The following MMRN2 variants were observed in gnomAD, a reference collection of about 807,000 sequenced individuals.
The protein encoded by MMRN2 is multimerin-2.
In MMRN2, 53 loss-of-function variants were observed where a neutral mutation model predicts 68.8. The observed-to-expected ratio is 0.77, with a 90% CI of 0.62 to 0.97. The LOEUF is 0.97. Among genes scored for constraint, MMRN2 ranks in the 50% least tolerant of loss-of-function variants. The pLI is 0.00. For missense variants in MMRN2, 1,266 were observed against 1,259.5 expected (o/e 1.01, Z -0.08); for synonymous variants, 564 against 551.6 (o/e 1.02, Z -0.32).
chr10:86,950,659 G>A (rs555734319), intron 1 of MMRN2, among the ~76,000 whole-genome samples: 37 of 152,276 alleles, frequency 2.4e-4, no homozygotes, highest in Middle Eastern at 3.4e-3. Flanking sequence ...CCAAGAAGAT[G>A]CAGCTGATCT....
chr10:86,942,513 GT>G lies in MMRN2; in HGVS notation c.2270del (p.Asn757ThrfsTer21). On this transcript the variant is annotated frameshift_variant, in exon 6 of 7. Coordinates refer to ENST00000372027, the MANE Select transcript of MMRN2 (RefSeq NM_024756.3). LOFTEE classifies it high-confidence loss of function. ...CGTTGGCTTCCATGAGCCCTTGGAA[GT>G]TCCCAAAGAGGCTGTGGAAGAGCCG... ...HQRLFHSLFGNFQGLMEANVS... is the reference protein window; with the variant it reads ...HQRLFHSLFGXFQGLMEANVS... The G allele has an allele frequency of 6.2e-7, 1 of 1,613,980 alleles. No homozygotes were observed. The highest frequency in any genetic ancestry group is 1.1e-5 in the South Asian group (1 of 91,086).
At chr10:86,941,798 TAAAA>T (rs55898424) in intron 6 of MMRN2, among the ~76,000 whole-genome samples, 13 of 115,072 alleles carry the variant, frequency 1.1e-4, no homozygotes, top group South Asian at 8.5e-4. Flanking sequence ...AGACCCATCT[TAAAA>T]AAAAAAAAAA....
intron 5 of MMRN2, 45 bp from the exon 6 acceptor site, chr10:86,944,173 A>G: frequency 1.9e-6 from 3 of 1,596,726 alleles, no homozygotes; most frequent in Non-Finnish European, 2.6e-6. Context: ...AGGAGCAGAC[A>G]CTCCTCCCAG....
chr10:86,936,820 C>T lies in MMRN2; in HGVS notation c.2773G>A (p.Glu925Lys). 1 of 1,614,202 alleles carries T rather than the reference C, an allele frequency of 6.2e-7. No homozygotes were observed. Among genetic ancestry groups the T allele is most frequent in the Non-Finnish European group, 8.5e-7 (1 of 1,180,030 alleles). ...ELQKGERVWF[E>K]LTQGSITKRS... Reference sequence around the variant, plus strand: ...TTTGTTATTGATCCCTGGGTTAACTCAAACCATACTCGCTCACCCTTCTGC... The same window carrying T: ...TTTGTTATTGATCCCTGGGTTAACTTAAACCATACTCGCTCACCCTTCTGC... The change falls in exon 7 of 7, where the codon GAG becomes AAG. Residue 925 changes from glutamate to lysine, a missense_variant. By Grantham distance (56) the Glu-to-Lys change is moderately conservative (BLOSUM62 1). Transcript: ENST00000372027.
rs371928522 is a variant in MMRN2 at position 86,943,756 on chromosome 10, G to C, written c.1028C>G (p.Ala343Gly). 5.6e-6 allele frequency: 9 copies of C among 1,607,868 alleles called. No individual in the cohort carries two copies. In the African/African-American group the frequency reaches 8.0e-5, roughly 14 times the overall value. Residue 343 changes from alanine (A) to glycine (G), a missense_variant, in exon 6 of 7, where the codon GCT (alanine) becomes GGT (glycine). By Grantham distance (60) the Ala-to-Gly change is moderately conservative (BLOSUM62 0). Transcript: ENST00000372027. The surrounding 1 kb of genome is among the most constrained non-coding windows in gnomAD (Gnocchi z 4.2). ...VDTKLKRLHK[A>G]QEAPGTNGSL... ...GCCATTGGTCCCTGGGGCCTCCTGA[G>C]CCTTGTGCAGCCTCTTCAATTTGGT... is the stretch of plus-strand genomic sequence containing the variant.
At chr10:86,953,170 G>A (rs1424007947) in intron 1 of MMRN2, among the ~76,000 whole-genome samples, 3 of 152,004 alleles carry the variant, frequency 2.0e-5, no homozygotes, top group Non-Finnish European at 2.9e-5. Context: ...TAAAACACAC[G>A]TTTTACAATC....
In MMRN2 at chr10:86,943,349, G is replaced by A. The variant is rs371610334; in HGVS notation, c.1435C>T (p.Gln479Ter). The stretch of plus-strand genomic sequence containing the variant: ...TTGATGAGGTCGGCATGGCCACCCT[G>A]CAGGTGCTGCAGCGTGAGGTTGAGC... ...LELNLTLQHL[Q>*]GGHADLIKYV... The change falls in exon 6 of 7, where the codon CAG (glutamine) becomes TAG (stop). Residue 479 changes from glutamine (Q) to a stop codon, truncating the protein, a stop_gained. Transcript: ENST00000372027. LOFTEE classifies it high-confidence loss of function. This position sits in a 1 kb window ranked among gnomAD's most constrained non-coding sequence, Gnocchi z 4.2. 4.3e-5 allele frequency: 69 copies of A among 1,613,884 alleles called. No individual in the cohort carries two copies. Among genetic ancestry groups the A allele is most frequent in the Admixed American group, 2.0e-4 (12 of 60,006 alleles).
rs867141071 is a variant in MMRN2, at chr10:86,945,387, G to A, written c.383C>T (p.Pro128Leu). Residue 128 changes from proline to leucine, a missense_variant, in exon 3 of 7, where the codon CCC (proline) becomes CTC (leucine). Pro to Leu is a moderately conservative substitution (Grantham distance 98). Transcript: ENST00000372027. ...AWRCCPGYTG[P>L]NCEHHDSMAI... ...AGCCCTACCGTGGTGCTCGCAGTTG[G>A]GGCCCGTGTAGCCAGGGCAGCACCT... 1 of 1,589,140 alleles carries A rather than the reference G, an allele frequency of 6.3e-7. No homozygotes were observed. Among genetic ancestry groups the A allele is most frequent in the South Asian group, 1.1e-5 (1 of 88,392 alleles).
In MMRN2 at chr10:86,938,304, C is replaced by T. The variant is rs774515287; in HGVS notation, c.2468-1179G>A. On this transcript the variant is annotated intron_variant, in intron 6 of 6. Transcript: ENST00000372027. The stretch of plus-strand genomic sequence containing the variant: ...AAGCTTATTGCTCCAGACCACACAA[C>T]TAGTAAATTACCAAGCCTCCTGGGA... Among the ~76,000 whole-genome samples, 80 of 152,218 alleles carry T rather than the reference C, an allele frequency of 5.3e-4. 1 individual carries two copies. The highest frequency in any genetic ancestry group is 2.7e-3 in the Admixed American group (42 of 15,284).
Position 86,937,066 on chromosome 10 carries a change from TCAC to T in MMRN2, c.2524_2526del (p.Val842del), listed in dbSNP as rs1170062798. The T allele has an allele frequency of 6.2e-7, 1 of 1,614,208 alleles. No individual in the cohort carries two copies. The highest frequency in any genetic ancestry group is 1.3e-5 in the African/African-American group (1 of 75,054). On this transcript the variant is annotated inframe_deletion, in exon 7 of 7. Transcript: ENST00000372027. ...ATGTTGATGTATGTGGTGTTGAACT[TCAC>T]TGTCTGCAGGGCAGCCGTCCCTTCT...
chr10:86,948,263 A>C (rs1469172494), intron 1 of MMRN2, among the ~76,000 whole-genome samples: 1 of 151,904 alleles, frequency 6.6e-6, no homozygotes, highest in Non-Finnish European at 1.5e-5. Flanking sequence ...GTGGGCAAAC[A>C]AAAAAATGTC....
At chr10:86,947,902 A>G (rs930847994) in intron 1 of MMRN2, among the ~76,000 whole-genome samples, 2 of 152,200 alleles carry the variant, frequency 1.3e-5, no homozygotes, top group Non-Finnish European at 2.9e-5. Flanking sequence ...TCTCCTCTTA[A>G]GTGAGCAGAC....
chr10:86,939,839 T>TTTGTG (rs1843941862), intron 6 of MMRN2, among the ~76,000 whole-genome samples: 38 of 120,368 alleles, frequency 3.2e-4, no homozygotes, highest in African/African-American at 1.1e-3. Flanking sequence ...GTGTGTGTGT[T>TTTGTG]TGTGTGTGTG....
Position 86,936,990 on chromosome 10 carries a change from C to T in MMRN2, c.2603G>A (p.Gly868Asp). The T allele has an allele frequency of 6.2e-7, 1 of 1,614,226 alleles. No homozygotes were observed. The highest frequency in any genetic ancestry group is 8.5e-7 in the Non-Finnish European group (1 of 1,180,040). Residue 868 changes from glycine to aspartate, a missense_variant, in exon 7 of 7, where the codon GGT becomes GAT. Transcript: ENST00000372027. Reference protein sequence around the residue: ...EHGYFRAPERGVYLFAVSVEF... With the variant: ...EHGYFRAPERDVYLFAVSVEF... ...AACGCTCACTGCAAACAGGTAGACA[C>T]CACGCTCAGGGGCTCGGAAGTAGCC...
At chr10:86,947,655 G>A (rs1844087881) in intron 1 of MMRN2, among the ~76,000 whole-genome samples, 1 of 152,074 alleles carries the variant, frequency 6.6e-6, no homozygotes, top group African/African-American at 2.4e-5. Context: ...ACAGGCGTGA[G>A]CCACTGTACC....
chr10:86,946,288 C>T (rs1749894378), intron 1 of MMRN2, among the ~76,000 whole-genome samples: 1 of 152,222 alleles, frequency 6.6e-6, no homozygotes, highest in African/African-American at 2.4e-5. Context: ...TCCTGACAAG[C>T]GTTCTGTGAA....
rs777062067 is a variant in MMRN2 at position 86,945,417 on chromosome 10, G to T, written c.353C>A (p.Ala118Asp). The change falls in exon 3 of 7, where the codon GCC becomes GAC. Residue 118 changes from alanine (A) to aspartate (D), a missense_variant. Transcript: ENST00000372027. The part of the protein sequence containing the change: ...QVKQKVLTSL[A>D]WRCCPGYTGP... ...CGTGTAGCCAGGGCAGCACCTCCAGGCCAAAGAGGTCAGCACCTTCTGCTT... is the reference window on the plus strand; with the variant it reads ...CGTGTAGCCAGGGCAGCACCTCCAGTCCAAAGAGGTCAGCACCTTCTGCTT... 7.0e-6 allele frequency: 11 copies of T among 1,579,144 alleles called. No individual in the cohort carries two copies. The Admixed American group carries it at 2.0e-4, about 29-fold the overall frequency.
intron 1 of MMRN2, among the ~76,000 whole-genome samples, chr10:86,953,060 G>T (rs1329539486): frequency 1.3e-5 from 2 of 152,046 alleles, no homozygotes; most frequent in African/African-American, 2.4e-5. Flanking sequence ...GGCTCCTTTT[G>T]CCCGACCCCG....
chr10:86,949,505 T>C (rs1315641193), intron 1 of MMRN2: 1 of 150,230 alleles, frequency 6.7e-6, no homozygotes, highest in Non-Finnish European at 1.5e-5. Flanking sequence ...GAGATCAGCC[T>C]GGAGACATAG....
Sources: gnomAD v4.1 joint callset for allele counts (sites outside exome capture counted in the v4.1 genomes callset) on GRCh38, gnomAD v4.1.1 for gene constraint, Gnocchi (gnomAD v3.1) non-coding constraint, MANE v1.5 for transcripts, NCBI Gene and HGNC (gene_info 2026-07-23, HGNC 2026-07-21) for gene names.